Variants in FADS2 observed in about 807,000 individuals in gnomAD.
FADS2 encodes fatty acid desaturase 2.
In FADS2, 18 loss-of-function variants were observed where a neutral mutation model predicts 61.2. The observed-to-expected ratio is 0.29, with a 90% CI of 0.20 to 0.44. The LOEUF (loss-of-function observed/expected upper bound fraction) is 0.44, where lower values mean the gene tolerates loss of function less well. FADS2 is among the 20% of genes least tolerant of loss of function. The pLI is 1.00. For missense variants in FADS2, 322 were observed against 572.7 expected (o/e 0.56, Z 4.47); for synonymous variants, 203 against 223.9 (o/e 0.91, Z 0.83).
At chr11:61,850,857 C>A (rs1016164237) in intron 5 of FADS2, among the ~76,000 whole-genome samples, 2 of 152,202 alleles carry the variant, frequency 1.3e-5, no homozygotes, top group African/African-American at 4.8e-5. Context: ...GTATTCCCGA[C>A]AGCCTTGGCG....
At chr11:61,832,723 G>T (rs1221873760) in intron 1 of FADS2, among the ~76,000 whole-genome samples, 4 of 152,194 alleles carry the variant, frequency 2.6e-5, no homozygotes, top group African/African-American at 9.7e-5. Context: ...CAGCATCCCT[G>T]TCTTGCTCTT....
chr11:61,817,034 G>C (rs1355678437), intron 1 of FADS2: 3 of 1,267,080 alleles, frequency 2.4e-6, no homozygotes, highest in Non-Finnish European at 3.0e-6. Flanking sequence ...CTCCCTAAAG[G>C]CGTCGCCGCC....
intron 1 of FADS2, 48 bp from the exon 2 acceptor site, chr11:61,837,730 G>A: frequency 7.5e-7 from 1 of 1,335,806 alleles, no homozygotes; most frequent in Non-Finnish European, 1.1e-6. Flanking sequence ...GGGCCCAAGA[G>A]CAGACAGAGT....
intron 1 of FADS2, among the ~76,000 whole-genome samples, chr11:61,835,602 C>T (rs1176955002): frequency 6.9e-6 from 1 of 145,864 alleles, no homozygotes; most frequent in Non-Finnish European, 1.5e-5. Flanking sequence ...GACGGGGTTT[C>T]ACCATGTTGG....
intron 5 of FADS2, chr11:61,848,921 ACGGAGT>A (rs2067283475): frequency 1.3e-5 from 2 of 152,470 alleles, no homozygotes; most frequent in African/African-American, 2.4e-5. Context: ...TTTTTCTGAG[ACGGAGT>A]CTTGCTCTGT....
At chr11:61,836,888 C>A (rs1320766778) in intron 1 of FADS2, among the ~76,000 whole-genome samples, 1 of 152,208 alleles carries the variant, frequency 6.6e-6, no homozygotes, top group Non-Finnish European at 1.5e-5. Context: ...TCTATTGCAT[C>A]CCCTCAGGGG....
intron 4 of FADS2, 45 bp from the exon 5 acceptor site, chr11:61,848,114 C>T (rs2067275585): frequency 1.9e-6 from 3 of 1,613,362 alleles, no homozygotes; most frequent in African/African-American, 1.3e-5. Flanking sequence ...GAGCTCGGTT[C>T]CCTGGTGGCT....
At chr11:61,824,494 G>GAAAC (rs1565325435), upstream of FADS2, among the ~76,000 whole-genome samples, 1 of 8,478 alleles carries the variant, frequency 1.2e-4, no homozygotes, top group Non-Finnish European at 8.5e-4. Context: ...GAGAGAGAAA[G>GAAAC]AAAGAAAGGA....
chr11:61,816,231 C>T (rs2066981264), upstream of FADS2: 3 of 1,593,370 alleles, frequency 1.9e-6, no homozygotes, highest in East Asian at 2.2e-5. This position sits in a 1 kb window ranked among gnomAD's most constrained non-coding sequence, Gnocchi z 7.0. Context: ...CCTAGCCTAC[C>T]CAGCTCGGGG....
chr11:61,844,802 G>A (rs2067243886), intron 4 of FADS2, among the ~76,000 whole-genome samples: 1 of 145,584 alleles, frequency 6.9e-6, no homozygotes, highest in Non-Finnish European at 1.5e-5. Context: ...GCACACGCCT[G>A]CAGTCCCAGC....
chr11:61,837,739 G>A (rs1000786193), intron 1 of FADS2, 39 bp from the exon 2 acceptor site: 1 of 1,418,380 alleles, frequency 7.1e-7, no homozygotes, highest in Non-Finnish European at 9.8e-7. Flanking sequence ...AGCAGACAGA[G>A]TTCAGGTCTT....
At chr11:61,823,414 A>G (rs1017255194), upstream of FADS2, among the ~76,000 whole-genome samples, 4 of 152,190 alleles carry the variant, frequency 2.6e-5, no homozygotes, top group African/African-American at 7.2e-5. Flanking sequence ...AAGTGAAGAG[A>G]TTGTCCAGAT....
intron 4 of FADS2, among the ~76,000 whole-genome samples, chr11:61,844,112 A>AT (rs982504607): frequency 2.6e-5 from 4 of 152,108 alleles, no homozygotes; most frequent in Non-Finnish European, 4.4e-5. Context: ...TTAATGGTTG[A>AT]TTTTTTTTCC....
chr11:61,840,551 C>A lies in FADS2; in HGVS notation c.516+20C>A. ...TCTCAGGTGAGGCGTGACACCCTCA[C>A]TTCCCCTAGCTGACAGAGGCCTGGT... On this transcript the variant is annotated intron_variant, in intron 3 of 11. Transcript: ENST00000278840. 6.2e-7 allele frequency: 1 copy of A among 1,614,064 alleles called. No homozygotes were observed. Among genetic ancestry groups the A allele is most frequent in the South Asian group, 1.1e-5 (1 of 91,088 alleles).
chr11:61,857,385 G>T, intron 6 of FADS2, 69 bp from the exon 7 acceptor site: 1 of 1,424,676 alleles, frequency 7.0e-7, no homozygotes, highest in African/African-American at 1.4e-5. Context: ...GCTGGGCCTG[G>T]GTTCCCCTGA....
In FADS2 at chr11:61,865,398, C is replaced by A. The variant is rs536743535; in HGVS notation, c.1283+121C>A. On this transcript the variant is annotated intron_variant, in intron 11 of 11. Coordinates refer to ENST00000278840, the MANE Select transcript of FADS2 (RefSeq NM_004265.4). The surrounding 1 kb of genome is among the most constrained non-coding windows in gnomAD (Gnocchi z 4.1). ...CCCACCAGGGCACCTGCCTTACTCC[C>A]GAGCCTGTGTTAGGAGCTGTTGGGC... 2.3e-6 allele frequency: 3 copies of A among 1,289,922 alleles called. No homozygotes were observed. Among genetic ancestry groups the A allele is most frequent in the Non-Finnish European group, 2.1e-6 (2 of 940,814 alleles). 79.9% of individuals were successfully genotyped at this position (1,289,922 alleles called of 1,614,324 possible). A position where few individuals can be genotyped will look rare whatever the true frequency, so the allele number is the denominator to read the frequency against.
At chr11:61,825,521 G>A (rs1020356287), upstream of FADS2, among the ~76,000 whole-genome samples, 4 of 152,006 alleles carry the variant, frequency 2.6e-5, no homozygotes, top group Admixed American at 1.3e-4. Flanking sequence ...AGGAGGCTGA[G>A]GCAGTAGAAC....
At chr11:61,826,201 C>A, upstream of FADS2, 1 of 702,570 alleles carries the variant, frequency 1.4e-6, no homozygotes. Flanking sequence ...TGAGCCCCAT[C>A]TACCGCCGGC....
intron 1 of FADS2, among the ~76,000 whole-genome samples, chr11:61,818,230 A>G (rs2067003798): frequency 1.3e-5 from 2 of 152,206 alleles, no homozygotes; most frequent in African/African-American, 4.8e-5. Context: ...TCTTCATTTT[A>G]TAGATAAGAA....
Sources: gnomAD v4.1 joint callset for allele counts (sites outside exome capture counted in the v4.1 genomes callset) on GRCh38, gnomAD v4.1.1 for gene constraint, Gnocchi (gnomAD v3.1) non-coding constraint, MANE v1.5 for transcripts, NCBI Gene and HGNC (gene_info 2026-07-23, HGNC 2026-07-21) for gene names.